Variants in COL18A1 observed in about 807,000 individuals in gnomAD.
The protein encoded by COL18A1 is collagen alpha-1(XVIII) chain.
A neutral mutation model predicts 168.0 loss-of-function variants in COL18A1; 133 were observed. That is an observed-to-expected ratio of 0.79 (90% CI 0.69 to 0.91). The LOEUF is 0.91. Among genes scored for constraint, COL18A1 ranks in the 40% least tolerant of loss-of-function variants. The probability of loss-of-function intolerance (pLI) is 0.00; values close to 1 mark genes in which losing one functional copy is unlikely to be tolerated. For synonymous variants in COL18A1, 949 were observed against 809.0 expected (o/e 1.17, Z -2.94); for missense variants, 2,126 against 1,925.4 (o/e 1.10, Z -1.95).
chr21:45,430,134 G>A (rs1478969961), intron 2 of COL18A1, among the ~76,000 whole-genome samples: 5 of 149,260 alleles, frequency 3.3e-5, no homozygotes, highest in Admixed American at 1.3e-4. Flanking sequence ...TCTCCCTAGC[G>A]CCCTCTCGCC....
chr21:45,474,250 A>AGTGTGTGT (rs540917328), intron 4 of COL18A1, among the ~76,000 whole-genome samples: 28 of 151,170 alleles, frequency 1.9e-4, no homozygotes, highest in African/African-American at 6.6e-4. Flanking sequence ...AGCTCAGCAA[A>AGTGTGTGT]GTGTGTGTGT....
intron 2 of COL18A1, among the ~76,000 whole-genome samples, chr21:45,454,202 G>A (rs530406246): frequency 6.6e-6 from 1 of 152,272 alleles, no homozygotes; most frequent in African/African-American, 2.4e-5. Context: ...AGAAGGAGGT[G>A]GCACTCAGCT....
At chr21:45,407,734 C>G (rs2033159758) in intron 2 of COL18A1, 1 of 152,476 alleles carries the variant, frequency 6.6e-6, no homozygotes, top group African/African-American at 2.4e-5. Flanking sequence ...ACCATGGCAT[C>G]AAGCTCTACC....
At chr21:45,492,737 G>T (rs1291075843) in intron 24 of COL18A1, 24 bp downstream of exon 24, 1 of 1,145,312 alleles carries the variant, frequency 8.7e-7, no homozygotes, top group Non-Finnish European at 1.2e-6. Context: ...TGCCAGAGCT[G>T]CATGCTGCCC....
chr21:45,413,886 C>T (rs1045099439), intron 2 of COL18A1, among the ~76,000 whole-genome samples: 5 of 152,170 alleles, frequency 3.3e-5, no homozygotes, highest in Non-Finnish European at 5.9e-5. Flanking sequence ...AGGGAGGTGG[C>T]GGACCCTCAG....
chr21:45,505,762 A>G, intron 36 of COL18A1, 76 bp from the exon 37 acceptor site: 1 of 1,177,174 alleles, frequency 8.5e-7, no homozygotes, highest in South Asian at 1.3e-5. Flanking sequence ...GCACCCTGAA[A>G]CGGGCATTCC....
chr21:45,509,915 G>T, intron 39 of COL18A1, 149 bp from the exon 40 acceptor site: 2 of 908,746 alleles, frequency 2.2e-6, no homozygotes, highest in Non-Finnish European at 3.3e-6. Context: ...CTGCTGCCTG[G>T]GCCCCTCAGT....
At chr21:45,426,541 C>T (rs1433346554) in intron 2 of COL18A1, among the ~76,000 whole-genome samples, 1 of 152,236 alleles carries the variant, frequency 6.6e-6, no homozygotes, top group Admixed American at 6.5e-5. Flanking sequence ...CACGTCCGGC[C>T]CTGGAAGCCC....
rs1342361545 is a variant in COL18A1 at position 45,481,996 on chromosome 21, C to T, written c.1645C>T (p.Pro549Ser). ...PPGPPGREGP[P>S]GRTGQKGSLG... The stretch of plus-strand genomic sequence containing the variant: ...AGGCCCTCCGGGAAGAGAGGGGCCC[C>T]CAGGAAGGACTGGGCAGAAAGGCAG... The change falls in exon 14 of 42, where the codon CCA (proline) becomes TCA (serine). Residue 549 changes from proline to serine, a missense_variant. Coordinates refer to ENST00000651438, the MANE Select transcript of COL18A1 (RefSeq NM_001379500.1). 6.8e-6 allele frequency: 11 copies of T among 1,613,776 alleles called. No individual in the cohort carries two copies. The highest frequency in any genetic ancestry group is 9.3e-6 in the Non-Finnish European group (11 of 1,179,742).
At chr21:45,410,806 G>A (rs1341704690) in intron 2 of COL18A1, among the ~76,000 whole-genome samples, 3 of 152,320 alleles carry the variant, frequency 2.0e-5, no homozygotes, top group East Asian at 3.9e-4. Context: ...GGAAAGCCAG[G>A]CTGGACATAG....
chr21:45,445,098 CCA>C (rs2034476133), intron 2 of COL18A1, among the ~76,000 whole-genome samples: 2 of 152,218 alleles, frequency 1.3e-5, no homozygotes, highest in Non-Finnish European at 2.9e-5. Context: ...TTTCATCACT[CCA>C]GAGAGAAGCC....
At chr21:45,456,923 C>G (rs1176522921) in intron 2 of COL18A1, 1 of 1,385,046 alleles carries the variant, frequency 7.2e-7, no homozygotes. Context: ...TCCTTTTTGC[C>G]TTGCCAGGTA....
chr21:45,505,064 C>G (rs2037109479), intron 34 of COL18A1, 70 bp from the exon 35 acceptor site: 4 of 1,566,244 alleles, frequency 2.6e-6, no homozygotes, highest in Non-Finnish European at 3.4e-6. Flanking sequence ...CAGCTGCAGC[C>G]CCACAAGCTT....
In COL18A1 at chr21:45,493,585, G is replaced by A. The variant is rs1240682780; in HGVS notation, c.2352+10G>A. On this transcript the variant is annotated intron_variant, in intron 26 of 41. Coordinates refer to ENST00000651438, the MANE Select transcript of COL18A1 (RefSeq NM_001379500.1). ...CCAGAAAGGAGCCAAGGTGAGGGCC[G>A]GGCAGCCTCCTTCCGGCAGGCGTGG... The A allele has an allele frequency of 5.2e-6, 8 of 1,548,978 alleles. No individual in the cohort carries two copies. Among genetic ancestry groups the A allele is most frequent in the African/African-American group, 2.7e-5 (2 of 73,056 alleles).
At position 45,477,456 on chromosome 21, in the gene COL18A1, G is replaced by A. The variant is rs2035717750; in HGVS notation, c.974G>A (p.Ser325Asn). Reference protein sequence around the residue: ...GSDSVSTWDGSVRTPGGRVKE... With the variant: ...GSDSVSTWDGNVRTPGGRVKE... ...GATTCTGTCTCCACGTGGGACGGGA[G>A]TGTCCGGACCCCTGGGGGCCGCGTG... The change falls in exon 7 of 42, where the codon AGT (serine) becomes AAT (asparagine). Residue 325 changes from serine (S) to asparagine (N), a missense_variant. Transcript: ENST00000651438. The A allele has an allele frequency of 1.9e-6, 3 of 1,612,742 alleles. No homozygotes were observed. The highest frequency in any genetic ancestry group is 1.7e-6 in the Non-Finnish European group (2 of 1,179,548).
At chr21:45,505,080 C>T (rs941879477) in intron 34 of COL18A1, 54 bp from the exon 35 acceptor site, 10 of 1,585,708 alleles carry the variant, frequency 6.3e-6, no homozygotes, top group Admixed American at 1.7e-5. Flanking sequence ...AGCTTGCCCG[C>T]CCCCAGTCCA....
At chr21:45,429,424 CAGG>C (rs1186991057) in intron 2 of COL18A1, among the ~76,000 whole-genome samples, 5 of 152,174 alleles carry the variant, frequency 3.3e-5, no homozygotes, top group Non-Finnish European at 7.4e-5. Flanking sequence ...GTGCCCACAG[CAGG>C]AGGAGAGGGA....
chr21:45,410,642 C>G (rs555462136), intron 2 of COL18A1, among the ~76,000 whole-genome samples: 1 of 152,258 alleles, frequency 6.6e-6, no homozygotes, highest in Non-Finnish European at 1.5e-5. Context: ...CAACATTTGC[C>G]GCAGTTAGGC....
chr21:45,448,297 C>T (rs201762187), intron 2 of COL18A1, among the ~76,000 whole-genome samples: 86 of 152,346 alleles, frequency 5.6e-4, no homozygotes, highest in Middle Eastern at 3.4e-3. Context: ...TCCACACACA[C>T]GCATATCCAC....
Sources: gnomAD v4.1 joint callset for allele counts (sites outside exome capture counted in the v4.1 genomes callset) on GRCh38, gnomAD v4.1.1 for gene constraint, MANE v1.5 for transcripts, NCBI Gene and HGNC (gene_info 2026-07-23, HGNC 2026-07-21) for gene names.